DEPDC5: variants seen among roughly 807,000 people sequenced by gnomAD.
DEPDC5 encodes the protein GATOR1 complex protein DEPDC5.
Under a neutral mutation model 217.3 loss-of-function variants are expected in DEPDC5, and 73 were observed. That is an observed-to-expected ratio of 0.34 (90% CI 0.28 to 0.41). DEPDC5 has a LOEUF of 0.41. Among genes scored for constraint, DEPDC5 ranks in the 10% least tolerant of loss-of-function variants. The pLI is 1.00. For missense variants in DEPDC5, 1,675 were observed against 2,070.1 expected, an observed-to-expected ratio of 0.81 and a Z score of 3.70; for synonymous variants, 733 against 756.7, an observed-to-expected ratio of 0.97 and a Z score of 0.51.
At chr22:31,761,683 A>AT (rs1303451745) in intron 4 of DEPDC5, among the ~76,000 whole-genome samples, 1 of 150,462 alleles carries the variant, frequency 6.6e-6, no homozygotes, top group Non-Finnish European at 1.5e-5. Context: ...AAAAAAAAAA[A>AT]TAGGCCAGGC....
chr22:31,786,781 T>C (rs1343599579), intron 10 of DEPDC5, among the ~76,000 whole-genome samples: 1 of 151,970 alleles, frequency 6.6e-6, no homozygotes, highest in Non-Finnish European at 1.5e-5. Context: ...AAATTTTTGT[T>C]TTTATTTTTG....
intron 1 of DEPDC5, 101 bp from the exon 2 acceptor site, chr22:31,754,761 C>T (rs2075175521): frequency 4.1e-6 from 3 of 736,240 alleles, no homozygotes; most frequent in Non-Finnish European, 6.8e-6. Context: ...GGCACCACTT[C>T]ACAGCAGAGG....
intron 2 of DEPDC5, among the ~76,000 whole-genome samples, chr22:31,756,102 C>G (rs184680154): frequency 1.4e-5 from 2 of 147,714 alleles, no homozygotes; most frequent in South Asian, 2.1e-4. Context: ...AGGCTGGTCT[C>G]GAACTCCTGA....
At chr22:31,815,911 C>T in intron 21 of DEPDC5, 1 of 1,027,166 alleles carries the variant, frequency 9.7e-7, no homozygotes, top group Non-Finnish European at 1.2e-6. Context: ...TAATGGAAAG[C>T]TTTTCTTAGG....
intron 31 of DEPDC5, among the ~76,000 whole-genome samples, chr22:31,855,546 T>G (rs2092255226): frequency 6.6e-6 from 1 of 151,448 alleles, no homozygotes; most frequent in South Asian, 2.1e-4. Flanking sequence ...CCGGCTAATT[T>G]TTTTTGTATT....
chr22:31,766,144 G>A (rs1369860591), intron 5 of DEPDC5, among the ~76,000 whole-genome samples: 1 of 152,160 alleles, frequency 6.6e-6, no homozygotes, highest in East Asian at 1.9e-4. Flanking sequence ...ACCATTTTCT[G>A]TATGTGAAAC....
chr22:31,762,840 C>T (rs2082510752), intron 4 of DEPDC5, among the ~76,000 whole-genome samples: 1 of 152,038 alleles, frequency 6.6e-6, no homozygotes, highest in African/African-American at 2.4e-5. Flanking sequence ...TGGCGTCTCA[C>T]TCTGTTGCCC....
chr22:31,818,019 T>C (rs1486620114), intron 21 of DEPDC5, among the ~76,000 whole-genome samples: 1 of 152,140 alleles, frequency 6.6e-6, no homozygotes, highest in African/African-American at 2.4e-5. Flanking sequence ...TAGATAATGA[T>C]GGCCAAGACA....
chr22:31,789,143 C>A (rs534239725), intron 10 of DEPDC5, among the ~76,000 whole-genome samples: 7 of 152,220 alleles, frequency 4.6e-5, no homozygotes, highest in Non-Finnish European at 7.3e-5. Flanking sequence ...GTGATCTCCC[C>A]ACCTTGGCCT....
At chr22:31,766,543 G>A (rs762474205) in intron 5 of DEPDC5, 42 bp from the exon 6 acceptor site, 1 of 1,591,658 alleles carries the variant, frequency 6.3e-7, no homozygotes, top group South Asian at 1.1e-5. Context: ...TATAAAGTGT[G>A]GCAAAGTAAT....
intron 3 of DEPDC5, among the ~76,000 whole-genome samples, chr22:31,759,181 C>T (rs1393880252): frequency 1.3e-5 from 2 of 151,936 alleles, no homozygotes; most frequent in Non-Finnish European, 2.9e-5. Flanking sequence ...ATCCACTGGC[C>T]TTGGCCTCCC....
chr22:31,762,276 A>T (rs1212209762), intron 4 of DEPDC5, among the ~76,000 whole-genome samples: 2 of 152,222 alleles, frequency 1.3e-5, no homozygotes, highest in Non-Finnish European at 2.9e-5. Flanking sequence ...GAAGTTTATT[A>T]TCTGCCGGAC....
chr22:31,837,268 T>C, intron 26 of DEPDC5, 113 bp downstream of exon 26: 17 of 1,158,222 alleles, frequency 1.5e-5, no homozygotes, highest in Non-Finnish European at 2.1e-5. Flanking sequence ...TATATTAAAA[T>C]TGGAACGATA....
chr22:31,900,623 C>T (rs542980233), intron 40 of DEPDC5, among the ~76,000 whole-genome samples: 21 of 152,204 alleles, frequency 1.4e-4, no homozygotes, highest in African/African-American at 5.1e-4. Flanking sequence ...CCTGTAACCC[C>T]AGCTACTCGG....
chr22:31,760,778 T>C lies in DEPDC5; in HGVS notation c.193+76T>C, dbSNP rs184825947. On this transcript the variant is annotated intron_variant, in intron 4 of 42. Coordinates refer to ENST00000651528, the MANE Select transcript of DEPDC5 (RefSeq NM_001242896.3). The stretch of plus-strand genomic sequence containing the variant: ...CTGTAAGAAATCTCTCTTCATAATT[T>C]CAAGGGATGAGGGCAAGTAATTCTC... 6.8e-4 allele frequency: 851 copies of C among 1,253,536 alleles called. 8 individuals carry two copies. The Admixed American group carries it at 0.01, about 15-fold the overall frequency. 77.7% of individuals were successfully genotyped at this position (1,253,536 alleles called of 1,614,324 possible). A position where few individuals can be genotyped will look rare whatever the true frequency, so the allele number is the denominator to read the frequency against.
intron 7 of DEPDC5, among the ~76,000 whole-genome samples, chr22:31,776,747 G>A (rs922757512): frequency 2.6e-5 from 4 of 151,094 alleles, no homozygotes; most frequent in Non-Finnish European, 5.9e-5. Context: ...TTAATTTTTT[G>A]TATTTTTAGT....
intron 29 of DEPDC5, 84 bp from the exon 30 acceptor site, chr22:31,844,934 A>C (rs565160224): frequency 7.1e-7 from 1 of 1,417,582 alleles, no homozygotes; most frequent in South Asian, 1.2e-5. Context: ...ACCTTCACAC[A>C]CCAACTCCAC....
intron 34 of DEPDC5, 111 bp from the exon 35 acceptor site, chr22:31,873,144 A>C (rs2092897419): frequency 6.3e-7 from 1 of 1,582,400 alleles, no homozygotes. Flanking sequence ...CTTTAGTGTC[A>C]ACATTGTCCT....
intron 7 of DEPDC5, among the ~76,000 whole-genome samples, chr22:31,771,505 A>G (rs1297038656): frequency 6.6e-6 from 1 of 151,380 alleles, no homozygotes; most frequent in African/African-American, 2.4e-5. Context: ...GCAGATCACG[A>G]GATCAGGAGA....
Sources: allele counts gnomAD v4.1 joint callset (sites outside exome capture counted in the v4.1 genomes callset), GRCh38; gene constraint gnomAD v4.1.1; transcripts MANE v1.5; gene names NCBI Gene and HGNC (gene_info 2026-07-23, HGNC 2026-07-21).